The following PLEKHM3 variants were observed in gnomAD, a reference collection of about 807,000 sequenced individuals.
The protein encoded by PLEKHM3 is pleckstrin homology domain-containing family M member 3.
In PLEKHM3, 45 loss-of-function variants were observed where a neutral mutation model predicts 81.8. The observed-to-expected ratio is 0.55, with a 90% confidence interval of 0.43 to 0.71. The LOEUF (loss-of-function observed/expected upper bound fraction) is 0.71. Ranked by LOEUF, PLEKHM3 falls within the 30% of genes least tolerant of loss-of-function variation. The pLI is 0.00. For synonymous variants in PLEKHM3, 352 were observed against 356.4 expected (o/e 0.99, Z 0.14); for missense variants, 788 against 924.3 (o/e 0.85, Z 1.91).
Position 207,977,588 on chromosome 2 carries a change from T to C in PLEKHM3, c.611-2A>G, listed in dbSNP as rs1347772282. ...TGTTTGGGAATGTCTGCTTGTGTTC[T>C]AGAAAGGAAAAGAGAGGCAAAGTAT... On this transcript the variant is annotated splice_acceptor_variant, in intron 2 of 7. Transcript: ENST00000427836. LOFTEE classifies it high-confidence loss of function. 1.9e-6 allele frequency: 3 copies of C among 1,593,278 alleles called. No homozygotes were observed. Among genetic ancestry groups the C allele is most frequent in the Non-Finnish European group, 2.6e-6 (3 of 1,171,780 alleles).
chr2:207,836,521 T>C (rs2092320539), intron 7 of PLEKHM3, among the ~76,000 whole-genome samples: 1 of 152,158 alleles, frequency 6.6e-6, no homozygotes, highest in Admixed American at 6.5e-5. Context: ...TGCTGCAAAC[T>C]AGCAGAACTA....
At chr2:208,024,536 A>C (rs1238161077) in intron 1 of PLEKHM3, among the ~76,000 whole-genome samples, 1 of 152,232 alleles carries the variant, frequency 6.6e-6, no homozygotes, top group Non-Finnish European at 1.5e-5. Context: ...GCTTTTGTTA[A>C]GGCATTTTCT....
Position 207,843,511 on chromosome 2 carries a change from C to T in PLEKHM3, c.2109-15015G>A, listed in dbSNP as rs1447687273. ...AAAGTCATTTTGCTTGCTGCTTTGA[C>T]ATTCACATCATTTCTGTCCCTAAGC... On this transcript the variant is annotated intron_variant, in intron 7 of 7. Coordinates refer to ENST00000427836, the MANE Select transcript of PLEKHM3 (RefSeq NM_001080475.3). This position sits in a 1 kb window ranked among gnomAD's most constrained non-coding sequence, Gnocchi z 4.4. Among the ~76,000 whole-genome samples, 2 of 152,174 alleles carry T rather than the reference C, an allele frequency of 1.3e-5. No individual in the cohort carries two copies. The highest frequency in any genetic ancestry group is 1.5e-5 in the Non-Finnish European group (1 of 68,042).
intron 7 of PLEKHM3, among the ~76,000 whole-genome samples, chr2:207,840,799 G>GTTTTTTTTT (rs1221570591): frequency 2.7e-5 from 3 of 109,796 alleles, no homozygotes; most frequent in Admixed American, 9.7e-5. Context: ...CACTTTTTAT[G>GTTTTTTTTT]TTTTTTTTTT....
intron 7 of PLEKHM3, among the ~76,000 whole-genome samples, chr2:207,829,186 A>T (rs2092270639): frequency 6.6e-6 from 1 of 152,238 alleles, no homozygotes; most frequent in African/African-American, 2.4e-5. Context: ...GTAGAGAGCA[A>T]ACATTCCAGG....
chr2:207,943,192 T>C (rs1488604285), intron 4 of PLEKHM3, among the ~76,000 whole-genome samples: 2 of 152,210 alleles, frequency 1.3e-5, no homozygotes, highest in Non-Finnish European at 2.9e-5. Flanking sequence ...ATTTTGAATG[T>C]TCCCAACCCA....
chr2:207,837,152 A>C (rs2092323897), intron 7 of PLEKHM3, among the ~76,000 whole-genome samples: 1 of 152,192 alleles, frequency 6.6e-6, no homozygotes, highest in African/African-American at 2.4e-5. Context: ...TGTGTAAGTA[A>C]ACATAAGCAA....
rs1199171148 is a variant in PLEKHM3, at chr2:207,852,957, T to TG, written c.2108+8147dup. Reference sequence around the variant, plus strand: ...TCAACATGCACATCACTTCTGTGGATGATGGAGCCCTTCTGGGAGCTCCAG... The same window carrying TG: ...TCAACATGCACATCACTTCTGTGGATGGATGGAGCCCTTCTGGGAGCTCCAG... On this transcript the variant is annotated intron_variant, in intron 7 of 7. Transcript: ENST00000427836. The TG allele has an allele frequency of 8.0e-6, 3 of 376,520 alleles. No homozygotes were observed. The Admixed American group carries it at 1.1e-4, about 14-fold the overall frequency. 23.3% of individuals were successfully genotyped at this position (376,520 alleles called of 1,614,324 possible).
chr2:207,952,204 GA>G (rs57260890), intron 3 of PLEKHM3, among the ~76,000 whole-genome samples: 1,742 of 152,212 alleles, frequency 0.011, 34 homozygotes, highest in African/African-American at 0.04. Context: ...TGTAAAAATA[GA>G]AAAAAATATC....
At chr2:207,829,832 T>C (rs1001086589) in intron 7 of PLEKHM3, among the ~76,000 whole-genome samples, 11 of 152,024 alleles carry the variant, frequency 7.2e-5, no homozygotes, top group Non-Finnish European at 2.9e-5. Context: ...TTCTTTTGCT[T>C]TTTCACAGCG....
chr2:207,904,309 A>G (rs1688535912), intron 6 of PLEKHM3, among the ~76,000 whole-genome samples: 1 of 152,136 alleles, frequency 6.6e-6, no homozygotes, highest in African/African-American at 2.4e-5. Context: ...AAACACAAGA[A>G]ATGAGTAAAG....
chr2:207,967,921 G>A (rs1440811129), intron 3 of PLEKHM3, among the ~76,000 whole-genome samples: 1 of 152,096 alleles, frequency 6.6e-6, no homozygotes, highest in African/African-American at 2.4e-5. Flanking sequence ...CAGAATCCTT[G>A]CTCTTAATTA....
intron 7 of PLEKHM3, among the ~76,000 whole-genome samples, chr2:207,830,495 C>A (rs1057169146): frequency 4.0e-5 from 6 of 151,810 alleles, no homozygotes; most frequent in African/African-American, 1.2e-4. Flanking sequence ...TGCCTGTAAT[C>A]CCAGCTACTC....
chr2:207,956,718 A>ATTTTTTTTTTTTTTTTT (rs1170073686), intron 3 of PLEKHM3, among the ~76,000 whole-genome samples: 1 of 69,108 alleles, frequency 1.4e-5, no homozygotes, highest in Non-Finnish European at 2.8e-5. Flanking sequence ...GCTGATTAAA[A>ATTTTTTTTTTTTTTTTT]TTTTTTTTTT....
chr2:207,831,047 C>T (rs930863676), intron 7 of PLEKHM3, among the ~76,000 whole-genome samples: 1 of 152,176 alleles, frequency 6.6e-6, no homozygotes, highest in East Asian at 1.9e-4. Flanking sequence ...TGGGGTGCTG[C>T]GGGGCTCAGG....
At chr2:207,887,577 T>C (rs1687919488) in intron 6 of PLEKHM3, among the ~76,000 whole-genome samples, 1 of 152,248 alleles carries the variant, frequency 6.6e-6, no homozygotes, top group South Asian at 2.1e-4. Context: ...TATAATTTAA[T>C]TCATGTTATG....
At chr2:207,898,592 A>T (rs1310876219) in intron 6 of PLEKHM3, among the ~76,000 whole-genome samples, 2 of 152,108 alleles carry the variant, frequency 1.3e-5, no homozygotes, top group Non-Finnish European at 2.9e-5. Flanking sequence ...CATCTCTACC[A>T]AAAAACCCCA....
At chr2:207,972,736 T>C (rs1691171685) in intron 3 of PLEKHM3, among the ~76,000 whole-genome samples, 1 of 152,206 alleles carries the variant, frequency 6.6e-6, no homozygotes, top group Admixed American at 6.5e-5. Flanking sequence ...TATACCGTTA[T>C]GTATCAGCAT....
intron 3 of PLEKHM3, among the ~76,000 whole-genome samples, chr2:207,959,860 C>T (rs765334247): frequency 2.0e-5 from 3 of 152,164 alleles, no homozygotes; most frequent in Non-Finnish European, 4.4e-5. Flanking sequence ...TGAATTTCTT[C>T]GTTTTCACCC....
Sources: allele counts gnomAD v4.1 joint callset (sites outside exome capture counted in the v4.1 genomes callset), GRCh38; gene constraint gnomAD v4.1.1; non-coding constraint Gnocchi (gnomAD v3.1); transcripts MANE v1.5; gene names NCBI Gene and HGNC (gene_info 2026-07-23, HGNC 2026-07-21).